Variants in FSTL5 observed in about 807,000 individuals in gnomAD.
FSTL5 encodes follistatin-related protein 5.
Under a neutral mutation model 89.1 loss-of-function variants are expected in FSTL5, and 62 were observed. The observed-to-expected ratio is 0.70, with a 90% CI of 0.57 to 0.86. The LOEUF is 0.86. Among genes scored for constraint, FSTL5 ranks in the 40% least tolerant of loss-of-function variants. FSTL5 has a pLI of 0.00. For synonymous variants in FSTL5, 383 were observed against 346.2 expected, an observed-to-expected ratio of 1.11 and a Z score of -1.18; for missense variants, 1,057 against 1,001.6, an observed-to-expected ratio of 1.06 and a Z score of -0.75.
At chr4:162,016,139 A>C (rs955977194) in intron 3 of FSTL5, among the ~76,000 whole-genome samples, 1 of 152,118 alleles carries the variant, frequency 6.6e-6, no homozygotes, top group Non-Finnish European at 1.5e-5. Context: ...CGGGCATCCT[A>C]AAGTGTCTGA....
At chr4:161,895,357 A>ACTT (rs1733121883) in intron 4 of FSTL5, among the ~76,000 whole-genome samples, 1 of 152,134 alleles carries the variant, frequency 6.6e-6, no homozygotes, top group African/African-American at 2.4e-5. Context: ...AATCAAAACC[A>ACTT]CTTTTGAAAT....
chr4:162,077,737 G>A (rs1729925609), intron 2 of FSTL5, among the ~76,000 whole-genome samples: 1 of 151,700 alleles, frequency 6.6e-6, no homozygotes, highest in Non-Finnish European at 1.5e-5. Context: ...GAGCATTCTG[G>A]ATTTATAAGG....
chr4:161,906,378 G>A (rs1030334814), intron 4 of FSTL5, among the ~76,000 whole-genome samples: 1 of 152,116 alleles, frequency 6.6e-6, no homozygotes, highest in African/African-American at 2.4e-5. Context: ...AATAGCTAGA[G>A]GCTCGCTAAA....
chr4:161,774,388 AT>A (rs1741322295), intron 5 of FSTL5, among the ~76,000 whole-genome samples: 1 of 152,104 alleles, frequency 6.6e-6, no homozygotes, highest in Admixed American at 6.5e-5. Context: ...GAGAGGATAA[AT>A]TTCTGCTGTT....
chr4:161,519,524 T>TCAAAATAAAA (rs762564083), intron 10 of FSTL5, among the ~76,000 whole-genome samples: 2 of 151,608 alleles, frequency 1.3e-5, no homozygotes. Context: ...AGACTCTATC[T>TCAAAATAAAA]CAAAACAAAA....
intron 8 of FSTL5, among the ~76,000 whole-genome samples, chr4:161,555,273 G>A (rs1161127468): frequency 1.3e-5 from 2 of 151,554 alleles, no homozygotes; most frequent in Middle Eastern, 3.4e-3. Flanking sequence ...TTTAAAGTTA[G>A]TGGCCTTTTT....
chr4:161,684,055 G>C (rs1451149266), intron 6 of FSTL5, among the ~76,000 whole-genome samples: 1 of 152,140 alleles, frequency 6.6e-6, no homozygotes, highest in Non-Finnish European at 1.5e-5. Context: ...ATCTCATCCA[G>C]GTTGCTGTGA....
chr4:162,074,787 C>G (rs1410700053), intron 2 of FSTL5, among the ~76,000 whole-genome samples: 1 of 151,672 alleles, frequency 6.6e-6, no homozygotes, highest in South Asian at 2.1e-4. Context: ...AGGTTATATA[C>G]TGATAAATAT....
intron 7 of FSTL5, among the ~76,000 whole-genome samples, chr4:161,613,627 C>T (rs1734735227): frequency 6.6e-6 from 1 of 152,072 alleles, no homozygotes; most frequent in Non-Finnish European, 1.5e-5. Context: ...CAAATATCAT[C>T]CACCATAAGA....
intron 4 of FSTL5, among the ~76,000 whole-genome samples, chr4:161,895,885 T>C (rs1031017873): frequency 1.3e-5 from 2 of 152,164 alleles, no homozygotes; most frequent in African/African-American, 4.8e-5. Flanking sequence ...TTACACTTTC[T>C]GTTTCACCAC....
chr4:161,419,806 A>G (rs1000258081), intron 15 of FSTL5, among the ~76,000 whole-genome samples: 1 of 152,204 alleles, frequency 6.6e-6, no homozygotes, highest in Admixed American at 6.5e-5. Flanking sequence ...CCAGTGACCT[A>G]TTAGCAGAAT....
chr4:161,773,657 C>T (rs892412006), intron 5 of FSTL5, among the ~76,000 whole-genome samples: 1 of 152,104 alleles, frequency 6.6e-6, no homozygotes, highest in African/African-American at 2.4e-5. Flanking sequence ...CACCTTACTC[C>T]TGCAAAAATG....
chr4:161,834,890 T>C (rs1355120853), intron 4 of FSTL5, among the ~76,000 whole-genome samples: 3 of 151,318 alleles, frequency 2.0e-5, no homozygotes, highest in African/African-American at 7.3e-5. Context: ...AGGTAATTTA[T>C]AGATTCAATG....
At chr4:161,637,503 A>C (rs1560762279) in intron 7 of FSTL5, among the ~76,000 whole-genome samples, 1 of 151,848 alleles carries the variant, frequency 6.6e-6, no homozygotes, top group Non-Finnish European at 1.5e-5. Context: ...GTTTGTTGCC[A>C]TTGCTTTTGG....
At chr4:161,494,110 A>C (rs1729983220) in intron 12 of FSTL5, among the ~76,000 whole-genome samples, 1 of 152,172 alleles carries the variant, frequency 6.6e-6, no homozygotes, top group Non-Finnish European at 1.5e-5. Flanking sequence ...TCTAAGGAAT[A>C]GTTAGAAGTA....
At chr4:161,953,461 G>A (rs983148082) in intron 3 of FSTL5, among the ~76,000 whole-genome samples, 8 of 151,440 alleles carry the variant, frequency 5.3e-5, no homozygotes, top group Non-Finnish European at 1.0e-4. Context: ...TGCTTTATGC[G>A]CAAGATATTT....
chr4:162,141,250 G>A lies in FSTL5; in HGVS notation c.-17+22365C>T, dbSNP rs1020936635. Among the ~76,000 whole-genome samples the A allele has an allele frequency of 1.6e-4, 16 of 97,560 alleles. 2 individuals are homozygous for A. Among genetic ancestry groups the A allele is most frequent in the African/African-American group, 5.2e-4 (15 of 28,836 alleles). The allele number at this position is 97,560 out of a possible 152,430, so 64.0% of individuals were successfully genotyped here. On this transcript the variant is annotated intron_variant, in intron 1 of 15. Transcript: ENST00000306100. Reference sequence around the variant, plus strand: ...TCCTGCCTCAGCCTCCCGTGTAGCTGGGACTACAGGCGCGCACCACCATGC... The same window carrying A: ...TCCTGCCTCAGCCTCCCGTGTAGCTAGGACTACAGGCGCGCACCACCATGC...
intron 1 of FSTL5, among the ~76,000 whole-genome samples, chr4:162,144,466 A>C (rs541222413): frequency 1.3e-3 from 203 of 152,282 alleles, no homozygotes; most frequent in Non-Finnish European, 2.0e-3. Context: ...CACTACAATC[A>C]GACATGTTAG....
chr4:161,789,310 C>T (rs572083194), intron 4 of FSTL5, among the ~76,000 whole-genome samples: 6 of 151,928 alleles, frequency 3.9e-5, no homozygotes, highest in East Asian at 1.9e-4. Flanking sequence ...AGCAAAGGGA[C>T]GACTAGGTGT....
Sources: allele counts gnomAD v4.1 joint callset (sites outside exome capture counted in the v4.1 genomes callset), GRCh38; gene constraint gnomAD v4.1.1; transcripts MANE v1.5; gene names NCBI Gene and HGNC (gene_info 2026-07-23, HGNC 2026-07-21).